Variants in CABIN1 observed in about 807,000 individuals in gnomAD.
CABIN1 encodes calcineurin binding protein 1, also known as calcineurin-binding protein cabin-1.
CABIN1 carries 133 observed loss-of-function variants against 227.7 expected under a neutral mutation model. The observed-to-expected ratio is 0.58, with a 90% CI of 0.51 to 0.67. The LOEUF is 0.67. Among genes scored for constraint, CABIN1 ranks in the 30% least tolerant of loss-of-function variants. CABIN1 has a pLI of 0.00. For missense variants in CABIN1, 2,408 were observed against 2,852.5 expected, an observed-to-expected ratio of 0.84 and a Z score of 3.55; for synonymous variants, 1,086 against 1,155.1, an observed-to-expected ratio of 0.94 and a Z score of 1.21.
chr22:24,097,083 G>A (rs1422347699), intron 25 of CABIN1, among the ~76,000 whole-genome samples: 5 of 152,214 alleles, frequency 3.3e-5, no homozygotes, highest in Non-Finnish European at 7.3e-5. Flanking sequence ...ACTCAGGTGG[G>A]CAGCCGCTGT....
intron 1 of CABIN1, among the ~76,000 whole-genome samples, chr22:24,027,214 T>A (rs955768206): frequency 1.3e-5 from 2 of 152,258 alleles, no homozygotes; most frequent in Non-Finnish European, 2.9e-5. Context: ...CTTTTATGTG[T>A]TGACCTGTAC....
chr22:24,111,932 C>T (rs1249344394), intron 26 of CABIN1, among the ~76,000 whole-genome samples: 1 of 152,174 alleles, frequency 6.6e-6, no homozygotes. Context: ...CTAGCCTTTG[C>T]ATTTGACTCT....
intron 18 of CABIN1, among the ~76,000 whole-genome samples, chr22:24,075,613 C>T (rs1040024052): frequency 2.3e-4 from 35 of 151,954 alleles, no homozygotes; most frequent in African/African-American, 7.7e-4. Flanking sequence ...GGTGTGGTAG[C>T]TCGCGCCTGT....
At chr22:24,041,033 G>A in intron 4 of CABIN1, 106 bp from the exon 5 acceptor site, 1 of 1,352,208 alleles carries the variant, frequency 7.4e-7, no homozygotes, top group African/African-American at 1.4e-5. Flanking sequence ...ACACTAGACT[G>A]GCTCAAGGGC....
intron 27 of CABIN1, among the ~76,000 whole-genome samples, chr22:24,117,284 C>T (rs118100318): frequency 0.012 from 1,880 of 152,272 alleles, 18 homozygotes; most frequent in Middle Eastern, 0.027. Context: ...CTCACTATAG[C>T]CTCAACCTCC....
intron 34 of CABIN1, 73 bp downstream of exon 34, chr22:24,172,068 G>A: frequency 6.5e-7 from 1 of 1,533,566 alleles, no homozygotes; most frequent in Non-Finnish European, 8.8e-7. Context: ...GGGAGAGTGT[G>A]AGTATGGGTA....
At chr22:24,045,023 C>T (rs2037738843) in intron 6 of CABIN1, among the ~76,000 whole-genome samples, 1 of 151,854 alleles carries the variant, frequency 6.6e-6, no homozygotes, top group African/African-American at 2.4e-5. Context: ...AGGTTCATGC[C>T]ATTCTCCCGC....
At chr22:24,039,455 T>C (rs552736171) in intron 4 of CABIN1, among the ~76,000 whole-genome samples, 6 of 152,338 alleles carry the variant, frequency 3.9e-5, no homozygotes, top group African/African-American at 1.4e-4. Context: ...CTGGTTACAG[T>C]GCTTTGGAAT....
At chr22:24,156,197 C>T in intron 29 of CABIN1, 1 of 390,192 alleles carries the variant, frequency 2.6e-6, no homozygotes, top group Non-Finnish European at 4.5e-6. Flanking sequence ...CGCTTTTGCT[C>T]AATCGTCCCC....
intron 26 of CABIN1, among the ~76,000 whole-genome samples, chr22:24,113,094 G>A (rs1002598269): frequency 1.9e-4 from 29 of 152,274 alleles, no homozygotes; most frequent in Admixed American, 4.6e-4. Flanking sequence ...TTACTAACAG[G>A]TTAAAAATGT....
Position 24,098,076 on chromosome 22 carries a change from G to T in CABIN1, c.4001G>T (p.Gly1334Val). ...HSSAGTLPGP[G>V]ASLPSSSGPG... The stretch of plus-strand genomic sequence containing the variant: ...TCAGCTGGGACACTGCCGGGCCCCG[G>T]AGCCTCCCTCCCCTCCTCCTCTGGC... The change falls in exon 26 of 37, where the codon GGA becomes GTA. Residue 1334 changes from glycine (G) to valine (V), a missense_variant. Gly to Val is a moderately radical substitution (Grantham distance 109, BLOSUM62 -3). This residue lies in a region of CABIN1 where 649 missense variants were observed against 910.3 expected (regional missense o/e 0.71). Coordinates refer to ENST00000263119, the MANE Select transcript of CABIN1 (RefSeq NM_012295.4). 6.2e-7 allele frequency: 1 copy of T among 1,614,106 alleles called. No homozygotes were observed.
chr22:24,127,719 A>G (rs1443967690), intron 28 of CABIN1, among the ~76,000 whole-genome samples: 2 of 152,168 alleles, frequency 1.3e-5, no homozygotes, highest in East Asian at 3.8e-4. Flanking sequence ...AGGTCAATCC[A>G]CAGATAGTCA....
At chr22:24,154,047 G>T (rs999843673) in intron 29 of CABIN1, among the ~76,000 whole-genome samples, 1 of 152,304 alleles carries the variant, frequency 6.6e-6, no homozygotes, top group South Asian at 2.1e-4. Flanking sequence ...AGGCATGCGC[G>T]CTGGGGAGAG....
chr22:24,067,629 C>T (rs2039784079), intron 16 of CABIN1, among the ~76,000 whole-genome samples: 2 of 152,212 alleles, frequency 1.3e-5, no homozygotes, highest in South Asian at 4.1e-4. Flanking sequence ...TTTGAAACCT[C>T]GTGTGCCCTC....
intron 24 of CABIN1, chr22:24,092,123 T>G: frequency 2.0e-6 from 1 of 502,492 alleles, no homozygotes; most frequent in Non-Finnish European, 3.6e-6. Flanking sequence ...CTGACCTTGG[T>G]GATGACAGTC....
chr22:24,076,607 A>G (rs934209964), intron 19 of CABIN1, among the ~76,000 whole-genome samples: 1 of 152,174 alleles, frequency 6.6e-6, no homozygotes, highest in Non-Finnish European at 1.5e-5. Flanking sequence ...TAGGCCTTGT[A>G]GTTGTAATTT....
chr22:24,091,626 G>GT lies in CABIN1; in HGVS notation c.3572dup (p.Thr1192HisfsTer9). 6.2e-7 allele frequency: 1 copy of GT among 1,614,236 alleles called. No individual in the cohort carries two copies. The highest frequency in any genetic ancestry group is 1.1e-5 in the South Asian group (1 of 91,090). The stretch of plus-strand genomic sequence containing the variant: ...AGCATGCTAGAGACAGCCAAGCACT[G>GT]TTTCACATCAGCAGCCCGCTGCGAG... On this transcript the variant is annotated frameshift_variant, in exon 24 of 37. Coordinates refer to ENST00000263119, the MANE Select transcript of CABIN1 (RefSeq NM_012295.4). LOFTEE classifies it high-confidence loss of function.
chr22:24,163,843 G>A (rs947917061), intron 29 of CABIN1, among the ~76,000 whole-genome samples: 2 of 152,190 alleles, frequency 1.3e-5, no homozygotes, highest in African/African-American at 4.8e-5. Context: ...CTTTGCCCTG[G>A]TTAAGCCTTC....
In CABIN1 at chr22:24,076,338, G is replaced by T. The variant is rs1376211322; in HGVS notation, c.2748+54G>T. 9 of 1,459,680 alleles carry T rather than the reference G, an allele frequency of 6.2e-6. No homozygotes were observed. In the South Asian group the frequency reaches 1.0e-4, roughly 17 times the overall value. The allele number at this position is 1,459,680 out of a possible 1,614,324, so 90.4% of individuals were successfully genotyped here. A position where few individuals can be genotyped will look rare whatever the true frequency, so the allele number is the denominator to read the frequency against. On this transcript the variant is annotated intron_variant, in intron 19 of 36. Transcript: ENST00000263119. ...GCCAGTGCGGGGCAGGGCTGGGGTG[G>T]GAGGTGGAATGGGAAGGGGACAGAT...
Sources: allele counts gnomAD v4.1 joint callset (sites outside exome capture counted in the v4.1 genomes callset), GRCh38; gene constraint gnomAD v4.1.1; regional missense constraint gnomAD v4.1.1; transcripts MANE v1.5; gene names NCBI Gene and HGNC (gene_info 2026-07-23, HGNC 2026-07-21).